DMXL1: variants seen among roughly 807,000 people sequenced by gnomAD.
DMXL1 encodes dmX-like protein 1.
A neutral mutation model predicts 319.2 loss-of-function variants in DMXL1; 99 were observed. That is an observed-to-expected ratio of 0.31 (90% CI 0.26 to 0.37). DMXL1 has a LOEUF of 0.37. Among genes scored for constraint, DMXL1 ranks in the 10% least tolerant of loss-of-function variants. DMXL1 has a pLI of 1.00. For synonymous variants in DMXL1, 1,385 were observed against 1,235.2 expected, an observed-to-expected ratio of 1.12 and a Z score of -2.54; for missense variants, 3,745 against 3,595.6, an observed-to-expected ratio of 1.04 and a Z score of -1.06.
At chr5:119,189,558 T>TA in intron 28 of DMXL1, 150 bp from the exon 29 acceptor site, 1 of 703,460 alleles carries the variant, frequency 1.4e-6, no homozygotes, top group South Asian at 2.1e-5. Flanking sequence ...TTCCTCTACT[T>TA]ATTTTCTTAC....
At chr5:119,195,076 AAAC>A (rs1330658145) in intron 30 of DMXL1, among the ~76,000 whole-genome samples, 1 of 152,110 alleles carries the variant, frequency 6.6e-6, no homozygotes, top group Non-Finnish European at 1.5e-5. Flanking sequence ...AAAAAAACAA[AAAC>A]AAAAACAAAA....
chr5:119,093,749 TATTA>T (rs138779170), intron 1 of DMXL1, among the ~76,000 whole-genome samples: 4,376 of 152,300 alleles, frequency 0.029, 188 homozygotes, highest in African/African-American at 0.099. Context: ...CAAAGGAAAC[TATTA>T]ATTAAAGTTC....
chr5:119,101,542 A>C (rs111835346), intron 2 of DMXL1, among the ~76,000 whole-genome samples: 1 of 152,342 alleles, frequency 6.6e-6, no homozygotes, highest in African/African-American at 2.4e-5. Flanking sequence ...TATTTTTGAA[A>C]AGTTAATGTA....
chr5:119,189,527 T>C (rs1299811799), intron 28 of DMXL1, among the ~76,000 whole-genome samples, 181 bp from the exon 29 acceptor site: 1 of 152,210 alleles, frequency 6.6e-6, no homozygotes, highest in African/African-American at 2.4e-5. Context: ...CAGAGGTTGC[T>C]AGACAGAAAT....
At chr5:119,201,470 A>G (rs1161256110) in intron 32 of DMXL1, among the ~76,000 whole-genome samples, 4 of 152,130 alleles carry the variant, frequency 2.6e-5, no homozygotes, top group South Asian at 2.1e-4. Flanking sequence ...TTGGTTTGCA[A>G]GTATTTTGTT....
intron 33 of DMXL1, among the ~76,000 whole-genome samples, chr5:119,205,269 T>C (rs1160940787): frequency 2.6e-5 from 4 of 152,150 alleles, no homozygotes; most frequent in African/African-American, 9.7e-5. Context: ...AAAAAACTAT[T>C]GAGCCATTAG....
Position 119,106,157 on chromosome 5 carries a change from G to GCT in DMXL1, c.364+899_364+900insCT, listed in dbSNP as rs1317404984. Among the ~76,000 whole-genome samples, 710 of 152,236 alleles carry GCT rather than the reference G, an allele frequency of 4.7e-3. 5 individuals are homozygous for GCT. The highest frequency in any genetic ancestry group is 0.016 in the African/African-American group (659 of 41,546). ...TGGGCCTTGCTGCTTGCTATCTACT[G>GCT]GAATGCCTTTGTTCTCCTCCACATG... is the stretch of plus-strand genomic sequence containing the variant. On this transcript the variant is annotated intron_variant, in intron 4 of 43. Transcript: ENST00000539542.
At chr5:119,075,803 G>A (rs1194402575) in intron 1 of DMXL1, among the ~76,000 whole-genome samples, 1 of 151,734 alleles carries the variant, frequency 6.6e-6, no homozygotes, top group African/African-American at 2.4e-5. Flanking sequence ...GGGCTCAAGT[G>A]ATCCTCCCGC....
chr5:119,209,135 A>T (rs1782287660), intron 34 of DMXL1, among the ~76,000 whole-genome samples: 1 of 152,124 alleles, frequency 6.6e-6, no homozygotes, highest in African/African-American at 2.4e-5. Flanking sequence ...TTTATTTTGG[A>T]CCTATTCCAA....
intron 28 of DMXL1, among the ~76,000 whole-genome samples, chr5:119,189,006 A>G (rs1236285314): frequency 6.6e-6 from 1 of 152,128 alleles, no homozygotes; most frequent in East Asian, 1.9e-4. Flanking sequence ...TTGATTGTCT[A>G]CTGATGATTT....
intron 22 of DMXL1, 121 bp from the exon 23 acceptor site, chr5:119,167,482 T>A: frequency 1.2e-6 from 1 of 803,082 alleles, no homozygotes; most frequent in Non-Finnish European, 1.9e-6. Flanking sequence ...TTCTTATCCT[T>A]CTTTGCTAAT....
chr5:119,218,681 G>C (rs1231271796), intron 35 of DMXL1, among the ~76,000 whole-genome samples: 1 of 152,024 alleles, frequency 6.6e-6, no homozygotes, highest in Non-Finnish European at 1.5e-5. Context: ...GGATGGTCTC[G>C]ATCTCTTTAC....
At chr5:119,223,605 T>C (rs777911451) in intron 37 of DMXL1, among the ~76,000 whole-genome samples, 69 of 152,304 alleles carry the variant, frequency 4.5e-4, no homozygotes, top group Non-Finnish European at 8.8e-4. Context: ...TTTGTTAACA[T>C]GAGGGTTCGG....
Position 119,149,337 on chromosome 5 carries a change from C to G in DMXL1, c.3510C>G (p.Gly1170=), listed in dbSNP as rs752775174. ...TTTTTATGTATGGACCCCTGGCTGG[C>G]AAGGTACAAGACCAAACTGGTAAGG... ...SKLFMYGPLA[G]KVQDQTGKET... is the part of the protein sequence containing the mutation. Residue 1170 remains glycine, a synonymous_variant, in exon 18 of 44, where the codon GGC becomes GGG. Coordinates refer to ENST00000539542, the MANE Select transcript of DMXL1 (RefSeq NM_001290321.3). 1.9e-6 allele frequency: 3 copies of G among 1,613,938 alleles called. No individual in the cohort carries two copies. The highest frequency in any genetic ancestry group is 1.7e-6 in the Non-Finnish European group (2 of 1,179,880).
Position 119,096,056 on chromosome 5 carries a change from T to C in DMXL1, c.88-1923T>C, listed in dbSNP as rs964913751. 3.9e-5 allele frequency among the ~76,000 whole-genome samples: 6 copies of C among 152,330 alleles called. No homozygotes were observed. In the East Asian group the frequency reaches 9.6e-4, roughly 24 times the overall value. On this transcript the variant is annotated intron_variant, in intron 1 of 43. Transcript: ENST00000539542. ...TGTTATCAACTTATTTGGGCCTTGA[T>C]TTTCTTTTCCATATAGCACATTCAT...
intron 35 of DMXL1, 63 bp downstream of exon 35, chr5:119,217,050 T>C: frequency 2.1e-6 from 2 of 942,110 alleles, no homozygotes; most frequent in Non-Finnish European, 3.1e-6. Flanking sequence ...TATCTTCTGT[T>C]TTATCAGTTT....
intron 4 of DMXL1, among the ~76,000 whole-genome samples, chr5:119,105,991 A>G (rs1561591743): frequency 6.6e-6 from 1 of 152,122 alleles, no homozygotes; most frequent in African/African-American, 2.4e-5. Flanking sequence ...TGGATGGCTT[A>G]AAACATCCAT....
At chr5:119,084,433 C>T (rs1202639240) in intron 1 of DMXL1, among the ~76,000 whole-genome samples, 1 of 152,140 alleles carries the variant, frequency 6.6e-6, no homozygotes, top group Non-Finnish European at 1.5e-5. Flanking sequence ...TCCCCAAAAG[C>T]GTTCTTTTTG....
chr5:119,098,071 G>T lies in DMXL1; in HGVS notation c.180G>T (p.Val60=). 1 of 1,607,368 alleles carries T rather than the reference G, an allele frequency of 6.2e-7. No individual in the cohort carries two copies. The highest frequency in any genetic ancestry group is 8.5e-7 in the Non-Finnish European group (1 of 1,178,334). ...IPGAKHGNIQ[V]GCVDCSMQQG... Reference sequence around the variant, plus strand: ...GAGCTAAACATGGAAATATTCAAGTGGGATGTGTAGACTGTTCAATGCAAC... The same window carrying T: ...GAGCTAAACATGGAAATATTCAAGTTGGATGTGTAGACTGTTCAATGCAAC... Residue 60 remains valine, a synonymous_variant, in exon 2 of 44, where the codon GTG becomes GTT. Transcript: ENST00000539542.
Sources: allele counts gnomAD v4.1 joint callset (sites outside exome capture counted in the v4.1 genomes callset), GRCh38; gene constraint gnomAD v4.1.1; transcripts MANE v1.5; gene names NCBI Gene and HGNC (gene_info 2026-07-23, HGNC 2026-07-21).